The following PRR5 variants were observed in gnomAD, a reference collection of about 807,000 sequenced individuals.
PRR5 encodes proline-rich protein 5.
Under a neutral mutation model 30.6 loss-of-function variants are expected in PRR5, and 25 were observed. The observed-to-expected ratio is 0.82, with a 90% CI of 0.60 to 1.14. The LOEUF is 1.14. Ranked by LOEUF, PRR5 falls within the 50% of genes most tolerant of loss-of-function variation. The probability of loss-of-function intolerance (pLI) is 0.00; values close to 1 mark genes in which losing one functional copy is unlikely to be tolerated. For missense variants in PRR5, 600 were observed against 547.1 expected (o/e 1.10, Z -0.96); for synonymous variants, 286 against 247.1 (o/e 1.16, Z -1.48).
chr22:44,692,282 C>G, intron 1 of PRR5, among the ~76,000 whole-genome samples: 1 of 129,164 alleles, frequency 7.7e-6, no homozygotes, highest in Non-Finnish European at 1.7e-5. Flanking sequence ...CTCCCACGCT[C>G]CTCCACCAGG....
intron 1 of PRR5, among the ~76,000 whole-genome samples, chr22:44,683,153 C>G (rs545856779): frequency 1.3e-5 from 2 of 152,236 alleles, no homozygotes; most frequent in Non-Finnish European, 2.9e-5. Flanking sequence ...TGCCTCTCCT[C>G]TCAGACCCTG....
At chr22:44,711,614 C>T (rs1287108850) in intron 1 of PRR5, among the ~76,000 whole-genome samples, 2 of 152,164 alleles carry the variant, frequency 1.3e-5, no homozygotes, top group African/African-American at 4.8e-5. Flanking sequence ...GGGCCCACTG[C>T]GAGCCTTGGA....
rs1480750923 is a variant in PRR5 at position 44,711,427 on chromosome 22, G to A, written c.135-3164G>A. ...TAGTCAGGAGGGCAGTGTGAGTGACGCCAGACCCAAGAGGGCCACAGGTCA... is the reference window on the plus strand; with the variant it reads ...TAGTCAGGAGGGCAGTGTGAGTGACACCAGACCCAAGAGGGCCACAGGTCA... On this transcript the variant is annotated intron_variant, in intron 1 of 7. Coordinates refer to ENST00000336985, the MANE Select transcript of PRR5 (RefSeq NM_181333.4). Among the ~76,000 whole-genome samples, 8 of 152,094 alleles carry A rather than the reference G, an allele frequency of 5.3e-5. No homozygotes were observed. In the South Asian group the frequency reaches 8.3e-4, roughly 16 times the overall value.
intron 2 of PRR5, 70 bp from the exon 3 acceptor site, chr22:44,725,174 C>T (rs1002309238): frequency 1.4e-5 from 22 of 1,597,148 alleles, no homozygotes; most frequent in Non-Finnish European, 1.8e-5. Flanking sequence ...GGCCCCACCC[C>T]AGTCCGTGGG....
intron 1 of PRR5, among the ~76,000 whole-genome samples, chr22:44,689,516 G>A (rs1425444643): frequency 2.0e-5 from 3 of 152,354 alleles, no homozygotes; most frequent in African/African-American, 7.2e-5. Flanking sequence ...TCCCTTTAGG[G>A]ACCAAGTGTG....
At chr22:44,686,106 A>G (rs1924725246) in intron 1 of PRR5, among the ~76,000 whole-genome samples, 1 of 152,102 alleles carries the variant, frequency 6.6e-6, no homozygotes, top group South Asian at 2.1e-4. Context: ...TACAAACATT[A>G]GCCAGGTGTG....
At chr22:44,708,412 G>A (rs573356443) in intron 1 of PRR5, among the ~76,000 whole-genome samples, 8 of 152,116 alleles carry the variant, frequency 5.3e-5, no homozygotes, top group Non-Finnish European at 1.0e-4. Context: ...TAGGGTCAGA[G>A]CACAAAGGCA....
intron 5 of PRR5, 101 bp downstream of exon 5, chr22:44,731,922 C>G: frequency 3.2e-6 from 4 of 1,232,976 alleles, no homozygotes; most frequent in Non-Finnish European, 4.5e-6. Context: ...GACACACACA[C>G]CTGCTCTGCT....
intron 7 of PRR5, among the ~76,000 whole-genome samples, chr22:44,735,953 G>A (rs1057277242): frequency 3.9e-5 from 6 of 152,214 alleles, no homozygotes; most frequent in Non-Finnish European, 8.8e-5. Context: ...CAGGACCCCA[G>A]CCCCTGCCTG....
intron 1 of PRR5, among the ~76,000 whole-genome samples, chr22:44,670,494 C>T (rs564687517): frequency 6.6e-6 from 1 of 152,284 alleles, no homozygotes; most frequent in African/African-American, 2.4e-5. Flanking sequence ...ACTCATCCAC[C>T]CACAGGGGCA....
chr22:44,709,093 A>G (rs1927737036), intron 1 of PRR5, among the ~76,000 whole-genome samples: 1 of 151,954 alleles, frequency 6.6e-6, no homozygotes, highest in Non-Finnish European at 1.5e-5. Flanking sequence ...GGGTCTCTGA[A>G]GGCCAGAGGA....
chr22:44,685,826 A>G (rs1924698964), intron 1 of PRR5, among the ~76,000 whole-genome samples: 1 of 152,248 alleles, frequency 6.6e-6, no homozygotes, highest in African/African-American at 2.4e-5. Flanking sequence ...CCTTCCGCCT[A>G]ACTTTGTCCC....
intron 6 of PRR5, 98 bp downstream of exon 6, chr22:44,732,489 C>T (rs998416963): frequency 3.4e-6 from 5 of 1,484,644 alleles, no homozygotes; most frequent in Non-Finnish European, 4.5e-6. Flanking sequence ...TTTAGGGGCA[C>T]GAGACTTAAG....
chr22:44,717,876 C>T (rs6007259), intron 2 of PRR5, among the ~76,000 whole-genome samples: 53,711 of 151,660 alleles, frequency 0.35, 9,748 homozygotes, highest in South Asian at 0.56. Flanking sequence ...CCACCACGAC[C>T]GGCTAATTTT....
In PRR5 at chr22:44,711,268, A is replaced by G. The variant is rs184006885; in HGVS notation, c.135-3323A>G. Among the ~76,000 whole-genome samples the G allele has an allele frequency of 3.3e-5, 5 of 152,292 alleles. No homozygotes were observed. In the East Asian group the frequency reaches 7.7e-4, roughly 24 times the overall value. On this transcript the variant is annotated intron_variant, in intron 1 of 7. Transcript: ENST00000336985. ...CAAGTAGACACTTCCTCCCCCAAAA[A>G]GAAGTAGCTAGCTTTCCCACACAGC...
chr22:44,690,068 C>G (rs1303226341), intron 1 of PRR5, among the ~76,000 whole-genome samples: 1 of 151,896 alleles, frequency 6.6e-6, no homozygotes, highest in Admixed American at 6.6e-5. Context: ...ACTGAGCTTA[C>G]AGAGGAGGGA....
At chr22:44,725,372 G>GGT in intron 3 of PRR5, 80 bp downstream of exon 3, 1 of 1,585,798 alleles carries the variant, frequency 6.3e-7, no homozygotes, top group Non-Finnish European at 8.6e-7. Context: ...TGCCCCCGGG[G>GGT]GTGTGGAGCG....
chr22:44,737,416 C>T lies in PRR5; in HGVS notation c.*169C>T, dbSNP rs1923487015. 1.5e-6 allele frequency: 2 copies of T among 1,324,792 alleles called. No homozygotes were observed. Among genetic ancestry groups the T allele is most frequent in the African/African-American group, 3.0e-5 (2 of 67,626 alleles). The allele number at this position is 1,324,792 out of a possible 1,614,324, so 82.1% of individuals were successfully genotyped here. ...TTTCTGTCTTGGTTGGAAATACCAT[C>T]AGCCTTCCTTGCTCGGCCCAGGTCT... On this transcript the variant is annotated 3_prime_UTR_variant, in exon 8 of 8. Transcript: ENST00000336985.
upstream of PRR5, among the ~76,000 whole-genome samples, chr22:44,675,298 G>A (rs1923673467): frequency 6.6e-6 from 1 of 152,190 alleles, no homozygotes; most frequent in South Asian, 2.1e-4. Context: ...TTGCCACGTT[G>A]CCCAGGCTGG....
Sources: gnomAD v4.1 joint callset for allele counts (sites outside exome capture counted in the v4.1 genomes callset) on GRCh38, gnomAD v4.1.1 for gene constraint, MANE v1.5 for transcripts, NCBI Gene and HGNC (gene_info 2026-07-23, HGNC 2026-07-21) for gene names.